CBY2: variants seen among roughly 807,000 people sequenced by gnomAD.
The protein encoded by CBY2 is chibby family member 2.
CBY2 carries 23 observed loss-of-function variants against 25.3 expected under a neutral mutation model. The observed-to-expected ratio is 0.91, with a 90% CI of 0.65 to 1.29. The LOEUF (loss-of-function observed/expected upper bound fraction) is 1.29. Among genes scored for constraint, CBY2 ranks in the 50% most tolerant of loss-of-function variants. The pLI is 0.00. For synonymous variants in CBY2, 279 were observed against 260.2 expected, an observed-to-expected ratio of 1.07 and a Z score of -0.70; for missense variants, 642 against 590.7, an observed-to-expected ratio of 1.09 and a Z score of -0.90.
chr13:45,703,140 C>G lies in CBY2; in HGVS notation c.156+285C>G, dbSNP rs2137499001. ...TCTATGATACACTGAAGTAACCCAG[C>G]CTTCTCAAAACGAGATCTTTTGGTG... is the stretch of plus-strand genomic sequence containing the variant. On this transcript the variant is annotated intron_variant, in intron 2 of 2. Transcript: ENST00000310521. The G allele has an allele frequency of 2.4e-6, 3 of 1,264,984 alleles. No homozygotes were observed. The Middle Eastern group carries it at 9.2e-4, about 388-fold the overall frequency. 78.4% of individuals were successfully genotyped at this position (1,264,984 alleles called of 1,614,324 possible).
At position 45,713,886 on chromosome 13, in the gene CBY2, C is replaced by G. The variant is rs924604235; in HGVS notation, c.861C>G (p.Pro287=). The G allele has an allele frequency of 6.5e-7, 1 of 1,532,276 alleles. No homozygotes were observed. The highest frequency in any genetic ancestry group is 1.4e-5 in the African/African-American group (1 of 72,876). 94.9% of individuals were successfully genotyped at this position (1,532,276 alleles called of 1,614,324 possible). A position where few individuals can be genotyped will look rare whatever the true frequency, so the allele number is the denominator to read the frequency against. Reference sequence around the variant, plus strand: ...AGGAAAGCAAGCCCGCCCCCTCACCCCACGAGGAGCCCTGCAGCCCCGGGC... The same window carrying G: ...AGGAAAGCAAGCCCGCCCCCTCACCGCACGAGGAGCCCTGCAGCCCCGGGC... ...PAEESKPAPS[P]HEEPCSPGLL... Residue 287 remains proline, a synonymous_variant, in exon 3 of 3, where the codon CCC becomes CCG. Coordinates refer to ENST00000310521, the MANE Select transcript of CBY2 (RefSeq NM_152719.3). This position sits in a 1 kb window ranked among gnomAD's most constrained non-coding sequence, Gnocchi z 5.0.
rs533109523 is a variant in CBY2 at position 45,708,462 on chromosome 13, G to A, written c.157-4720G>A. On this transcript the variant is annotated intron_variant, in intron 2 of 2. Coordinates refer to ENST00000310521, the MANE Select transcript of CBY2 (RefSeq NM_152719.3). Reference sequence around the variant, plus strand: ...GGTCTGTGAGCTTGGAACACAGTACGTGCCAAATTAATGTTAGTTGATTCA... The same window carrying A: ...GGTCTGTGAGCTTGGAACACAGTACATGCCAAATTAATGTTAGTTGATTCA... 5.9e-5 allele frequency among the ~76,000 whole-genome samples: 9 copies of A among 152,304 alleles called. No homozygotes were observed. In the South Asian group the frequency reaches 1.2e-3, roughly 21 times the overall value.
intron 2 of CBY2, among the ~76,000 whole-genome samples, chr13:45,706,136 T>TC (rs139103020): frequency 0.02 from 3,008 of 152,304 alleles, 87 homozygotes; most frequent in African/African-American, 0.066. Flanking sequence ...TCCTTTCACT[T>TC]CCCCTTTTCC....
chr13:45,703,736 A>T, intron 2 of CBY2: 4 of 665,712 alleles, frequency 6.0e-6, no homozygotes, highest in Non-Finnish European at 7.9e-6. Flanking sequence ...CTGGATGTTT[A>T]TTTTCACATT....
chr13:45,706,928 T>A (rs1950242676), intron 2 of CBY2, among the ~76,000 whole-genome samples: 1 of 152,186 alleles, frequency 6.6e-6, no homozygotes, highest in Non-Finnish European at 1.5e-5. Context: ...TGTAAAGAAA[T>A]ATACTCCACG....
intron 2 of CBY2, among the ~76,000 whole-genome samples, chr13:45,707,268 T>G (rs1461276253): frequency 6.6e-6 from 1 of 152,054 alleles, no homozygotes; most frequent in African/African-American, 2.4e-5. Context: ...AGGGAGTACA[T>G]GGATGAACCT....
Position 45,713,295 on chromosome 13 carries a change from T to G in CBY2, c.270T>G (p.Tyr90Ter), listed in dbSNP as rs762822479. ...GCAGGATGGCGAGCCAGCACTCCTA[T>G]CCACTGAACCGCTTCTCCTCCGTGC... ...LSRRMASQHS[Y>*]PLNRFSSVPL... The change falls in exon 3 of 3, where the codon TAT becomes TAG. Residue 90 changes from tyrosine to a stop codon, truncating the protein, a stop_gained. Transcript: ENST00000310521. LOFTEE classifies it high-confidence loss of function. This position sits in a 1 kb window ranked among gnomAD's most constrained non-coding sequence, Gnocchi z 5.0. 1.2e-6 allele frequency: 2 copies of G among 1,613,994 alleles called. No homozygotes were observed. Among genetic ancestry groups the G allele is most frequent in the South Asian group, 2.2e-5 (2 of 91,078 alleles).
chr13:45,702,677 A>C, intron 1 of CBY2, 98 bp from the exon 2 acceptor site: 1 of 1,033,062 alleles, frequency 9.7e-7, no homozygotes, highest in Non-Finnish European at 1.5e-6. Context: ...ACAAGAGAGA[A>C]ATAAATGAGT....
In CBY2 at chr13:45,714,458, C is replaced by T. The variant is rs1950302513; in HGVS notation, c.*86C>T. ...CCCCTGCCTTCCTTTGTCGTCCTCG[C>T]CTTCCCCAGCCAGTTCGTACCTATT... On this transcript the variant is annotated 3_prime_UTR_variant, in exon 3 of 3. Transcript: ENST00000310521. 8.4e-7 allele frequency: 1 copy of T among 1,195,250 alleles called. No individual in the cohort carries two copies. The highest frequency in any genetic ancestry group is 2.6e-5 in the Admixed American group (1 of 38,222). 74.0% of individuals were successfully genotyped at this position (1,195,250 alleles called of 1,614,324 possible).
Position 45,713,384 on chromosome 13 carries a change from G to A in CBY2, c.359G>A (p.Arg120Gln). The change falls in exon 3 of 3, where the codon CGG (arginine) becomes CAG (glutamine). Residue 120 changes from arginine to glutamine, a missense_variant. Arg to Gln is a conservative substitution (Grantham distance 43). Coordinates refer to ENST00000310521, the MANE Select transcript of CBY2 (RefSeq NM_152719.3). This position sits in a 1 kb window ranked among gnomAD's most constrained non-coding sequence, Gnocchi z 5.0. The stretch of plus-strand genomic sequence containing the variant: ...CTGGAGCTGGACTACAACCCGCCGC[G>A]GGTGCAGCTCAGCGACGAGATGTTC... ...ADLELDYNPPRVQLSDEMFVF... is the reference protein window; with the variant it reads ...ADLELDYNPPQVQLSDEMFVF... 3.1e-6 allele frequency: 5 copies of A among 1,614,194 alleles called. No homozygotes were observed. The highest frequency in any genetic ancestry group is 2.2e-5 in the South Asian group (2 of 91,084).
At chr13:45,706,999 A>C (rs1373919159) in intron 2 of CBY2, among the ~76,000 whole-genome samples, 1 of 152,170 alleles carries the variant, frequency 6.6e-6, no homozygotes, top group Non-Finnish European at 1.5e-5. Context: ...CCATCTGTTT[A>C]GTCTTTATGA....
chr13:45,709,523 G>A (rs768370505), intron 2 of CBY2, among the ~76,000 whole-genome samples: 3 of 152,182 alleles, frequency 2.0e-5, no homozygotes, highest in South Asian at 2.1e-4. Context: ...CTCAGTATTC[G>A]CAGATATTGA....
chr13:45,703,042 G>A (rs2137498889), intron 2 of CBY2, 187 bp downstream of exon 2: 1 of 1,266,092 alleles, frequency 7.9e-7, no homozygotes, highest in Non-Finnish European at 1.0e-6. Context: ...TGGGCCTTGG[G>A]TTCTTTTTCC....
intron 2 of CBY2, among the ~76,000 whole-genome samples, chr13:45,709,031 TAA>T (rs771913448): frequency 4.5e-4 from 68 of 152,204 alleles, no homozygotes; most frequent in Non-Finnish European, 2.5e-4. Context: ...ACTAGGTTGG[TAA>T]AAGAGGGCTG....
chr13:45,713,678 T>C lies in CBY2; in HGVS notation c.653T>C (p.Leu218Pro). 6.2e-7 allele frequency: 1 copy of C among 1,612,896 alleles called. No homozygotes were observed. The highest frequency in any genetic ancestry group is 8.5e-7 in the Non-Finnish European group (1 of 1,179,976). ...GREESRAPSP[L>P]LHKDSASLEV... is the part of the protein sequence containing the mutation. ...GAGGAGAGCCGGGCCCCCTCGCCAC[T>C]GCTGCACAAAGACAGCGCGTCCCTG... Residue 218 changes from leucine to proline, a missense_variant, in exon 3 of 3, where the codon CTG becomes CCG. Coordinates refer to ENST00000310521, the MANE Select transcript of CBY2 (RefSeq NM_152719.3). This position sits in a 1 kb window ranked among gnomAD's most constrained non-coding sequence, Gnocchi z 5.0.
In CBY2 at chr13:45,703,010, G is replaced by A. The variant is rs968240824; in HGVS notation, c.156+155G>A. On this transcript the variant is annotated intron_variant, in intron 2 of 2. Transcript: ENST00000310521. ...GTTGGGTGCCAGCAGGCGGTGTGCT[G>A]GGGAAGGCCACATAGCCCCTCTGGG... The A allele has an allele frequency of 2.7e-5, 31 of 1,133,962 alleles. No individual in the cohort carries two copies. The African/African-American group carries it at 4.9e-4, about 18-fold the overall frequency. 70.2% of individuals were successfully genotyped at this position (1,133,962 alleles called of 1,614,324 possible).
At chr13:45,702,727 G>A in intron 1 of CBY2, 48 bp from the exon 2 acceptor site, 1 of 1,483,184 alleles carries the variant, frequency 6.7e-7, no homozygotes, top group Non-Finnish European at 9.4e-7. Context: ...TTGAGGCCCA[G>A]AGGATGAGCT....
rs183081265 is a variant in CBY2 at position 45,706,355 on chromosome 13, G to T, written c.156+3500G>T. Reference sequence around the variant, plus strand: ...TTCCAATCCACAGATGGGACTTCAGGCTTCTGTGAGGGCGATGTTCGTGCC... The same window carrying T: ...TTCCAATCCACAGATGGGACTTCAGTCTTCTGTGAGGGCGATGTTCGTGCC... On this transcript the variant is annotated intron_variant, in intron 2 of 2. Transcript: ENST00000310521. Among the ~76,000 whole-genome samples, 5 of 152,244 alleles carry T rather than the reference G, an allele frequency of 3.3e-5. No individual in the cohort carries two copies. The East Asian group carries it at 9.7e-4, about 29-fold the overall frequency.
chr13:45,703,758 T>C (rs1165055141), intron 2 of CBY2, among the ~76,000 whole-genome samples: 1 of 152,238 alleles, frequency 6.6e-6, no homozygotes, highest in Non-Finnish European at 1.5e-5. Flanking sequence ...TCTTTATAAC[T>C]TTGTAATGAA....
Sources: allele counts gnomAD v4.1 joint callset (sites outside exome capture counted in the v4.1 genomes callset), GRCh38; gene constraint gnomAD v4.1.1; non-coding constraint Gnocchi (gnomAD v3.1); transcripts MANE v1.5; gene names NCBI Gene and HGNC (gene_info 2026-07-23, HGNC 2026-07-21).